WNK2: variants seen among roughly 807,000 people sequenced by gnomAD.
The protein encoded by WNK2 is WNK lysine deficient protein kinase 2, also known as serine/threonine-protein kinase WNK2.
A neutral mutation model predicts 192.1 loss-of-function variants in WNK2; 67 were observed. That is an observed-to-expected ratio of 0.35 (90% CI 0.29 to 0.43). The LOEUF (loss-of-function observed/expected upper bound fraction) is 0.43, where lower values mean the gene tolerates loss of function less well. Among genes scored for constraint, WNK2 ranks in the 20% least tolerant of loss-of-function variants. WNK2 has a pLI of 1.00. For missense variants in WNK2, 2,698 were observed against 3,089.7 expected (o/e 0.87, Z 3.01); for synonymous variants, 1,439 against 1,393.9 (o/e 1.03, Z -0.72).
intron 28 of WNK2, among the ~76,000 whole-genome samples, chr9:93,313,986 G>T (rs1854130783): frequency 6.6e-6 from 1 of 151,872 alleles, no homozygotes; most frequent in Non-Finnish European, 1.5e-5. Context: ...AAATTAGCTG[G>T]GCTGCTGGGT....
At chr9:93,256,223 G>A (rs563243637) in intron 9 of WNK2, 76 bp from the exon 10 acceptor site, 4 of 1,398,176 alleles carry the variant, frequency 2.9e-6, no homozygotes, top group Non-Finnish European at 3.7e-6. Context: ...ATGACATGAG[G>A]CTACCCTGCC....
chr9:93,242,426 G>C (rs892864791), intron 7 of WNK2, among the ~76,000 whole-genome samples: 12 of 152,192 alleles, frequency 7.9e-5, no homozygotes, highest in African/African-American at 2.9e-4. Context: ...GGTGCACAGA[G>C]GTACATTTTT....
intron 2 of WNK2, among the ~76,000 whole-genome samples, chr9:93,210,085 C>A: frequency 6.6e-6 from 1 of 152,184 alleles, no homozygotes; most frequent in East Asian, 1.9e-4. Context: ...CACAGCCTGA[C>A]CCTGCCCACT....
In WNK2 at chr9:93,185,305, C is replaced by G; in HGVS notation, c.376C>G (p.Pro126Ala). 1.3e-6 allele frequency: 2 copies of G among 1,507,056 alleles called. No homozygotes were observed. The highest frequency in any genetic ancestry group is 1.8e-6 in the Non-Finnish European group (2 of 1,132,518). The allele number at this position is 1,507,056 out of a possible 1,614,324, so 93.4% of individuals were successfully genotyped here. Residue 126 changes from proline (P) to alanine (A), a missense_variant, in exon 2 of 30, where the codon CCG (proline) becomes GCG (alanine). Pro to Ala is a conservative substitution (Grantham distance 27). This residue lies in a region of WNK2 where 260 missense variants were observed against 285.6 expected (regional missense o/e 0.91). Coordinates refer to ENST00000427277, the MANE Select transcript of WNK2 (RefSeq NM_006648.4). ...PEPVGTQEPG[P>A]DPIAAAVETA... ...GCCCGTGGGCACGCAGGAGCCCGGC[C>G]CGGACCCCATCGCAGCCGCTGTCGA... is the stretch of plus-strand genomic sequence containing the variant.
At chr9:93,303,873 GT>G (rs963004970) in intron 26 of WNK2, among the ~76,000 whole-genome samples, 8 of 152,208 alleles carry the variant, frequency 5.3e-5, no homozygotes, top group Non-Finnish European at 1.5e-5. Context: ...CTTAAAAGGG[GT>G]TTTGTCCCTG....
chr9:93,211,877 C>T (rs550095449), intron 2 of WNK2, among the ~76,000 whole-genome samples: 5,258 of 151,914 alleles, frequency 0.035, 296 homozygotes, highest in African/African-American at 0.12. Context: ...TTCACTCATT[C>T]ACACACTCAC....
intron 26 of WNK2, among the ~76,000 whole-genome samples, chr9:93,302,427 G>A (rs1016664373): frequency 1.3e-5 from 2 of 152,158 alleles, no homozygotes; most frequent in Non-Finnish European, 2.9e-5. Flanking sequence ...GCTAGTGGGG[G>A]GCAGCCGGCG....
At chr9:93,203,159 C>G (rs1832783876) in intron 2 of WNK2, among the ~76,000 whole-genome samples, 1 of 152,098 alleles carries the variant, frequency 6.6e-6, no homozygotes, top group Non-Finnish European at 1.5e-5. Flanking sequence ...CTGGGGGCTG[C>G]AAGTATGACC....
intron 26 of WNK2, among the ~76,000 whole-genome samples, chr9:93,303,412 G>A (rs559072624): frequency 2.0e-5 from 3 of 152,330 alleles, no homozygotes; most frequent in African/African-American, 7.2e-5. Context: ...ATCTCTTTGG[G>A]TTTTCTCCAC....
intron 2 of WNK2, among the ~76,000 whole-genome samples, chr9:93,202,810 G>A (rs1445893488): frequency 2.6e-5 from 4 of 152,100 alleles, no homozygotes; most frequent in African/African-American, 7.2e-5. Context: ...GGGACACTGA[G>A]GCACACATAG....
At chr9:93,318,567 G>A (rs375063816) in intron 29 of WNK2, 6 of 1,613,596 alleles carry the variant, frequency 3.7e-6, no homozygotes, top group African/African-American at 1.3e-5. Flanking sequence ...TGAGGATAAG[G>A]TGTGTGTTGG....
At chr9:93,260,680 A>G (rs377429333) in intron 12 of WNK2, among the ~76,000 whole-genome samples, 7 of 152,088 alleles carry the variant, frequency 4.6e-5, no homozygotes, top group African/African-American at 1.4e-4. Flanking sequence ...TTGTGCATAG[A>G]GAAGGAAGGG....
chr9:93,269,047 C>T (rs1845649044), intron 19 of WNK2: 1 of 1,073,054 alleles, frequency 9.3e-7, no homozygotes, highest in Non-Finnish European at 1.4e-6. Context: ...ACAGTGTTAA[C>T]CTGGCAACTC....
intron 19 of WNK2, among the ~76,000 whole-genome samples, chr9:93,271,468 T>C (rs1446227512): frequency 6.6e-6 from 1 of 152,198 alleles, no homozygotes; most frequent in Non-Finnish European, 1.5e-5. Flanking sequence ...ACAAAAACTT[T>C]AAAGCAACTG....
chr9:93,215,073 G>A (rs1835498824), intron 2 of WNK2, among the ~76,000 whole-genome samples: 1 of 151,622 alleles, frequency 6.6e-6, no homozygotes, highest in Non-Finnish European at 1.5e-5. Flanking sequence ...TAGAGATGGG[G>A]TCTCACTATG....
intron 7 of WNK2, among the ~76,000 whole-genome samples, chr9:93,246,115 T>C (rs1373418348): frequency 1.3e-5 from 2 of 152,198 alleles, no homozygotes; most frequent in African/African-American, 4.8e-5. Context: ...AAAATGCATG[T>C]CAGAGTCTGT....
chr9:93,212,431 C>CA (rs1834966108), intron 2 of WNK2, among the ~76,000 whole-genome samples: 1 of 152,180 alleles, frequency 6.6e-6, no homozygotes, highest in Non-Finnish European at 1.5e-5. Flanking sequence ...TGACAGATGA[C>CA]TACTCACCCT....
chr9:93,239,766 CA>C lies in WNK2; in HGVS notation c.1335del (p.Asp446ThrfsTer3). ...GCTGCTCTCCCTCCAGGTACGAGAT[CA>C]AAGACCTGCTGAGCCACGCCTTCTT... ...CKNKEERYEI[K>X]DLLSHAFFAE... is the part of the protein sequence containing the mutation. On this transcript the variant is annotated frameshift_variant, in exon 7 of 30. Transcript: ENST00000427277. LOFTEE classifies it high-confidence loss of function. This position sits in a 1 kb window ranked among gnomAD's most constrained non-coding sequence, Gnocchi z 4.2. 6.4e-7 allele frequency: 1 copy of C among 1,554,686 alleles called. No individual in the cohort carries two copies. The highest frequency in any genetic ancestry group is 8.7e-7 in the Non-Finnish European group (1 of 1,148,964).
intron 2 of WNK2, among the ~76,000 whole-genome samples, chr9:93,201,700 C>T (rs1409152420): frequency 5.3e-5 from 8 of 152,242 alleles, no homozygotes; most frequent in African/African-American, 1.7e-4. Flanking sequence ...GGACCCGTGT[C>T]TCCCCCGTGT....
Sources: gnomAD v4.1 joint callset for allele counts (sites outside exome capture counted in the v4.1 genomes callset) on GRCh38, gnomAD v4.1.1 for gene constraint, gnomAD v4.1.1 regional missense constraint, Gnocchi (gnomAD v3.1) non-coding constraint, MANE v1.5 for transcripts, NCBI Gene and HGNC (gene_info 2026-07-23, HGNC 2026-07-21) for gene names.